KCNH6: variants seen among roughly 807,000 people sequenced by gnomAD.
KCNH6 encodes voltage-gated inwardly rectifying potassium channel KCNH6.
A neutral mutation model predicts 83.4 loss-of-function variants in KCNH6; 81 were observed. The observed-to-expected ratio is 0.97, with a 90% CI of 0.81 to 1.17. The LOEUF is 1.17. Among genes scored for constraint, KCNH6 ranks in the 50% most tolerant of loss-of-function variants. KCNH6 has a pLI of 0.00. For missense variants in KCNH6, 1,203 were observed against 1,290.5 expected, an observed-to-expected ratio of 0.93 and a Z score of 1.04; for synonymous variants, 503 against 545.6, an observed-to-expected ratio of 0.92 and a Z score of 1.09.
At chr17:63,548,060 TC>T (rs1369460423), downstream of KCNH6, among the ~76,000 whole-genome samples, 1 of 150,684 alleles carries the variant, frequency 6.6e-6, no homozygotes, top group East Asian at 1.9e-4. Flanking sequence ...GGTCAGGAGA[TC>T]AAGACCATCC....
rs1205848269 is a variant in KCNH6 at position 63,533,380 on chromosome 17, CACT to C, written c.676-505_676-503del. Among the ~76,000 whole-genome samples, 1 of 152,080 alleles carries C rather than the reference CACT, an allele frequency of 6.6e-6. No individual in the cohort carries two copies. Among genetic ancestry groups the C allele is most frequent in the African/African-American group, 2.4e-5 (1 of 41,402 alleles). ...GGCTCTGAGTTGGCCTCAGAGAGGGCACTCACTGGTCCTGGATCCCCAGGGCCC... is the reference window on the plus strand; with the variant it reads ...GGCTCTGAGTTGGCCTCAGAGAGGGCCACTGGTCCTGGATCCCCAGGGCCC... On this transcript the variant is annotated intron_variant, in intron 4 of 12. Transcript: ENST00000314672. The surrounding 1 kb of genome is among the most constrained non-coding windows in gnomAD (Gnocchi z 4.1).
chr17:63,538,220 T>TTCC lies in KCNH6; in HGVS notation c.1658_1660dup (p.Phe553_Gln554insLeu). On this transcript the variant is annotated inframe_insertion, in exon 7 of 13. Transcript: ENST00000314672. The surrounding 1 kb of genome is among the most constrained non-coding windows in gnomAD (Gnocchi z 4.0). ...ACTGCGCCAGCGCCTGGAGGAGTAT[T>TTCC]TCCAGCACGCCTGGTCCTACACCAA... 6.2e-7 allele frequency: 1 copy of TTCC among 1,614,158 alleles called. No homozygotes were observed. The highest frequency in any genetic ancestry group is 8.5e-7 in the Non-Finnish European group (1 of 1,180,000).
chr17:63,542,158 T>G, intron 8 of KCNH6, 83 bp from the exon 9 acceptor site: 1 of 1,415,084 alleles, frequency 7.1e-7, no homozygotes. Flanking sequence ...ATGTCCGAGG[T>G]TGGGGGAGGT....
downstream of KCNH6, among the ~76,000 whole-genome samples, chr17:63,546,986 G>A (rs542592729): frequency 1.1e-3 from 162 of 152,278 alleles, no homozygotes; most frequent in Non-Finnish European, 1.6e-3. Context: ...CCCCGTACCA[G>A]GCACTGTGCT....
chr17:63,530,629 C>A, intron 4 of KCNH6, 87 bp downstream of exon 4: 2 of 1,219,376 alleles, frequency 1.6e-6, no homozygotes, highest in Non-Finnish European at 2.4e-6. Context: ...CTTCTGGGGC[C>A]TTGGCCGATA....
chr17:63,524,677 A>G (rs568090616), intron 2 of KCNH6, among the ~76,000 whole-genome samples: 11 of 152,300 alleles, frequency 7.2e-5, no homozygotes, highest in African/African-American at 2.6e-4. Context: ...CCCAGCGGTC[A>G]GGCAGCTGGG....
chr17:63,533,768 A>G lies in KCNH6; in HGVS notation c.676-118A>G. The stretch of plus-strand genomic sequence containing the variant: ...CATCTCTCCCTCATCCCCTCTGCCC[A>G]CCAGAGCCGTGGTCACCCACCCTCT... On this transcript the variant is annotated intron_variant, in intron 4 of 12. Transcript: ENST00000314672. This position sits in a 1 kb window ranked among gnomAD's most constrained non-coding sequence, Gnocchi z 4.1. 1.1e-6 allele frequency: 1 copy of G among 873,254 alleles called. No homozygotes were observed. 54.1% of individuals were successfully genotyped at this position (873,254 alleles called of 1,614,324 possible). A position where few individuals can be genotyped will look rare whatever the true frequency, so the allele number is the denominator to read the frequency against.
chr17:63,543,645 A>G lies in KCNH6; in HGVS notation c.2218A>G (p.Ser740Gly). Reference protein sequence around the residue: ...GSQDHQGFFLSDNQSDAAPPL... With the variant: ...GSQDHQGFFLGDNQSDAAPPL... ...CCAAGACCACCAAGGTTTCTTTCTC[A>G]GTGACAACCAGTCAGGTGAGCAAAG... is the stretch of plus-strand genomic sequence containing the variant. Residue 740 changes from serine to glycine, a missense_variant, in exon 10 of 13, where the codon AGT becomes GGT. Transcript: ENST00000314672. 1 of 1,611,366 alleles carries G rather than the reference A, an allele frequency of 6.2e-7. No homozygotes were observed. The highest frequency in any genetic ancestry group is 8.5e-7 in the Non-Finnish European group (1 of 1,178,300).
rs759726994 is a variant in KCNH6, at chr17:63,538,364, C to A, written c.1702-46C>A. 2 of 1,593,008 alleles carry A rather than the reference C, an allele frequency of 1.3e-6. No individual in the cohort carries two copies. The highest frequency in any genetic ancestry group is 2.2e-5 in the South Asian group (2 of 89,542). On this transcript the variant is annotated intron_variant, in intron 7 of 12. Transcript: ENST00000314672. This position sits in a 1 kb window ranked among gnomAD's most constrained non-coding sequence, Gnocchi z 4.0. ...GAGCCCTCACCACCCTCTCCCCCAG[C>A]CCCACCCCGGCCGCGTCCCGCTGGA...
chr17:63,544,330 C>T lies in KCNH6; in HGVS notation c.2315C>T (p.Pro772Leu), dbSNP rs931107750. ...CAGGAAATGCCCCCAAGGCACAGCC[C>T]CCAAAGCCCTCAGGAAGACCCAGAT... is the stretch of plus-strand genomic sequence containing the variant. ...LLQEMPPRHSPQSPQEDPDCW... is the reference protein window; with the variant it reads ...LLQEMPPRHSLQSPQEDPDCW... The change falls in exon 11 of 13, where the codon CCC becomes CTC. Residue 772 changes from proline to leucine, a missense_variant. By Grantham distance (98) the Pro-to-Leu change is moderately conservative. Transcript: ENST00000314672. 1 of 1,612,280 alleles carries T rather than the reference C, an allele frequency of 6.2e-7. No homozygotes were observed. The highest frequency in any genetic ancestry group is 1.3e-5 in the African/African-American group (1 of 74,850).
intron 10 of KCNH6, 71 bp from the exon 11 acceptor site, chr17:63,544,178 G>A: frequency 6.2e-7 from 1 of 1,605,114 alleles, no homozygotes; most frequent in Non-Finnish European, 8.5e-7. Flanking sequence ...GTGGGGGACA[G>A]GCTCTATTGA....
rs2033040488 is a variant in KCNH6 at position 63,544,378 on chromosome 17, C to T, written c.2363C>T (p.Ser788Phe). The T allele has an allele frequency of 1.2e-6, 2 of 1,605,648 alleles. No individual in the cohort carries two copies. Among genetic ancestry groups the T allele is most frequent in the Admixed American group, 3.4e-5 (2 of 58,958 alleles). ...GATTGCTGGCCTCTGAAGCTGGGCT[C>T]CAGGCTAGAGCAGCTCCAGGCCCAG... Reference protein sequence around the residue: ...DPDCWPLKLGSRLEQLQAQMN... With the variant: ...DPDCWPLKLGFRLEQLQAQMN... The change falls in exon 11 of 13, where the codon TCC (serine) becomes TTC (phenylalanine). Residue 788 changes from serine to phenylalanine, a missense_variant. Ser to Phe is a radical substitution (Grantham distance 155). Coordinates refer to ENST00000314672, the MANE Select transcript of KCNH6 (RefSeq NM_001278919.2).
Position 63,534,795 on chromosome 17 carries a change from C to T in KCNH6, c.1101+484C>T, listed in dbSNP as rs945848453. ...CCACGGTCTCCTCTTGCCCCCTCTC[C>T]TCACGATCAGCTTTTCACTGAAATC... On this transcript the variant is annotated intron_variant, in intron 5 of 12. Coordinates refer to ENST00000314672, the MANE Select transcript of KCNH6 (RefSeq NM_001278919.2). This position sits in a 1 kb window ranked among gnomAD's most constrained non-coding sequence, Gnocchi z 5.0. Among the ~76,000 whole-genome samples, 2 of 152,168 alleles carry T rather than the reference C, an allele frequency of 1.3e-5. No homozygotes were observed. Among genetic ancestry groups the T allele is most frequent in the African/African-American group, 4.8e-5 (2 of 41,428 alleles).
intron 4 of KCNH6, among the ~76,000 whole-genome samples, chr17:63,532,530 A>G (rs554898910): frequency 6.6e-6 from 1 of 152,254 alleles, no homozygotes; most frequent in African/African-American, 2.4e-5. Flanking sequence ...GTCTATGTGG[A>G]GTCGGAGGGG....
At chr17:63,532,204 G>A (rs1280693754) in intron 4 of KCNH6, among the ~76,000 whole-genome samples, 1 of 152,144 alleles carries the variant, frequency 6.6e-6, no homozygotes, top group African/African-American at 2.4e-5. Context: ...CATTCCTTCT[G>A]TCTCCCTCCC....
At chr17:63,526,001 T>C (rs985844127) in intron 2 of KCNH6, among the ~76,000 whole-genome samples, 21 of 152,326 alleles carry the variant, frequency 1.4e-4, no homozygotes, top group African/African-American at 5.1e-4. Context: ...GTGATGGCTC[T>C]TGAGGTCCCC....
Position 63,538,211 on chromosome 17 carries a change from G to A in KCNH6, c.1648G>A (p.Glu550Lys). ...QIPNPLRQRL[E>K]EYFQHAWSYT... Reference sequence around the variant, plus strand: ...CCCCAACCCACTGCGCCAGCGCCTGGAGGAGTATTTCCAGCACGCCTGGTC... The same window carrying A: ...CCCCAACCCACTGCGCCAGCGCCTGAAGGAGTATTTCCAGCACGCCTGGTC... Residue 550 changes from glutamate (E) to lysine (K), a missense_variant, in exon 7 of 13, where the codon GAG (glutamate) becomes AAG (lysine). By Grantham distance (56) the Glu-to-Lys change is moderately conservative (BLOSUM62 1). Coordinates refer to ENST00000314672, the MANE Select transcript of KCNH6 (RefSeq NM_001278919.2). This position sits in a 1 kb window ranked among gnomAD's most constrained non-coding sequence, Gnocchi z 4.0. 5 of 1,614,218 alleles carry A rather than the reference G, an allele frequency of 3.1e-6. No individual in the cohort carries two copies. The highest frequency in any genetic ancestry group is 4.2e-6 in the Non-Finnish European group (5 of 1,180,032).
In KCNH6 at chr17:63,524,147, T is replaced by C. The variant is rs1465314372; in HGVS notation, c.85T>C (p.Phe29Leu). The stretch of plus-strand genomic sequence containing the variant: ...CCCACCTCCCACCCCAGGTCGGAAG[T>C]TCCTGATTGCCAATGCTCAGATGGA... ...IRKFEGQSRKFLIANAQMENC... is the reference protein window; with the variant it reads ...IRKFEGQSRKLLIANAQMENC... The change falls in exon 2 of 13, where the codon TTC becomes CTC. Residue 29 changes from phenylalanine (F) to leucine (L), a missense_variant. By Grantham distance (22) the Phe-to-Leu change is conservative (BLOSUM62 0). Coordinates refer to ENST00000314672, the MANE Select transcript of KCNH6 (RefSeq NM_001278919.2). 6.2e-7 allele frequency: 1 copy of C among 1,613,354 alleles called. No homozygotes were observed. The highest frequency in any genetic ancestry group is 2.2e-5 in the East Asian group (1 of 44,880).
At chr17:63,544,536 T>TA in intron 11 of KCNH6, 125 bp downstream of exon 11, 1 of 750,958 alleles carries the variant, frequency 1.3e-6, no homozygotes, top group Non-Finnish European at 2.0e-6. Flanking sequence ...GGTCTCCCCA[T>TA]ACCTGTCATT....
Sources: gnomAD v4.1 joint callset for allele counts (sites outside exome capture counted in the v4.1 genomes callset) on GRCh38, gnomAD v4.1.1 for gene constraint, Gnocchi (gnomAD v3.1) non-coding constraint, MANE v1.5 for transcripts, NCBI Gene and HGNC (gene_info 2026-07-23, HGNC 2026-07-21) for gene names.